KIRREL2: variants seen among roughly 807,000 people sequenced by gnomAD.
KIRREL2 encodes the protein kin of IRRE-like protein 2.
In KIRREL2, 56 loss-of-function variants were observed where a neutral mutation model predicts 73.4. That is an observed-to-expected ratio of 0.76 (90% CI 0.62 to 0.95). The LOEUF (loss-of-function observed/expected upper bound fraction) is 0.95. KIRREL2 is among the 40% of genes least tolerant of loss of function. KIRREL2 has a pLI of 0.00. For synonymous variants in KIRREL2, 407 were observed against 404.0 expected, an observed-to-expected ratio of 1.01 and a Z score of -0.09; for missense variants, 896 against 935.0, an observed-to-expected ratio of 0.96 and a Z score of 0.54.
At chr19:35,859,708 C>T in intron 5 of KIRREL2, 77 bp downstream of exon 5, 1 of 1,531,560 alleles carries the variant, frequency 6.5e-7, no homozygotes, top group South Asian at 1.2e-5. Context: ...GACTGTGGCC[C>T]TTGGGGAATG....
At chr19:35,858,351 G>A (rs1314307920) in intron 2 of KIRREL2, 57 bp from the exon 3 acceptor site, 4 of 1,583,546 alleles carry the variant, frequency 2.5e-6, no homozygotes, top group Non-Finnish European at 3.4e-6. Flanking sequence ...GGGGATGGAG[G>A]CCTGAGGCCA....
In KIRREL2 at chr19:35,857,018, G is replaced by A. The variant is rs1973447104; in HGVS notation, c.-102G>A. 8.3e-7 allele frequency: 1 copy of A among 1,208,684 alleles called. No individual in the cohort carries two copies. Among genetic ancestry groups the A allele is most frequent in the Non-Finnish European group, 1.2e-6 (1 of 814,498 alleles). The allele number at this position is 1,208,684 out of a possible 1,614,324, so 74.9% of individuals were successfully genotyped here. ...GACTAGGCTGGGCGAAGAGTCGAGCGTGAAGGGGGCTCCGGGCCAGGGTGA... is the reference window on the plus strand; with the variant it reads ...GACTAGGCTGGGCGAAGAGTCGAGCATGAAGGGGGCTCCGGGCCAGGGTGA... On this transcript the variant is annotated 5_prime_UTR_variant, in exon 1 of 15. The change creates a new upstream start codon in the 5' untranslated region. Transcript: ENST00000360202.
At position 35,860,628 on chromosome 19, in the gene KIRREL2, G is replaced by T. The variant is rs377163927; in HGVS notation, c.889G>T (p.Val297Leu). 105 of 1,603,554 alleles carry T rather than the reference G, an allele frequency of 6.5e-5. No homozygotes were observed. The highest frequency in any genetic ancestry group is 5.0e-5 in the Admixed American group (3 of 60,002). ...EPVSCEVSNAVGSANRSTALD... is the reference protein window; with the variant it reads ...EPVSCEVSNALGSANRSTALD... ...CGTGTCCTGCGAGGTCAGCAACGCC[G>T]TGGGTAGCGCCAACCGCAGTACTGC... is the stretch of plus-strand genomic sequence containing the variant. The change falls in exon 7 of 15, where the codon GTG becomes TTG. Residue 297 changes from valine (V) to leucine (L), a missense_variant. Val to Leu is a conservative substitution (Grantham distance 32). Transcript: ENST00000360202.
chr19:35,857,747 G>T (rs1359304335), intron 2 of KIRREL2, among the ~76,000 whole-genome samples: 1 of 152,140 alleles, frequency 6.6e-6, no homozygotes, highest in Non-Finnish European at 1.5e-5. Flanking sequence ...GCTTTGGGAG[G>T]TTGAGGCCAG....
rs1003586620 is a variant in KIRREL2, at chr19:35,859,521, C to A, written c.563C>A (p.Thr188Asn). 1.2e-6 allele frequency: 2 copies of A among 1,614,058 alleles called. No homozygotes were observed. Among genetic ancestry groups the A allele is most frequent in the African/African-American group, 1.3e-5 (1 of 74,924 alleles). Residue 188 changes from threonine to asparagine, a missense_variant, in exon 5 of 15, where the codon ACC (threonine) becomes AAC (asparagine). Physicochemically the swap from Thr to Asn is moderately conservative, Grantham distance 65. Coordinates refer to ENST00000360202, the MANE Select transcript of KIRREL2 (RefSeq NM_199180.4). The stretch of plus-strand genomic sequence containing the variant: ...GGGACCCCTGGGTCAGTGGAGAGCA[C>A]CTTAACCCTGACCCCTTTCAGCCAT... ...KEGTPGSVESTLTLTPFSHDD... is the reference protein window; with the variant it reads ...KEGTPGSVESNLTLTPFSHDD...
At chr19:35,854,066 A>G (rs1417946698), upstream of KIRREL2, among the ~76,000 whole-genome samples, 1 of 152,086 alleles carries the variant, frequency 6.6e-6, no homozygotes, top group African/African-American at 2.4e-5. Flanking sequence ...GCAGGTCTCG[A>G]ACTCCTGACC....
rs435259 is a variant in KIRREL2, at chr19:35,857,556, G to C, written c.211+62G>C. Reference sequence around the variant, plus strand: ...AGGGGGAGAGTTGCTGGGCTCGGCTGTACCTGCAGTTTCTATTTTGACATT... The same window carrying C: ...AGGGGGAGAGTTGCTGGGCTCGGCTCTACCTGCAGTTTCTATTTTGACATT... On this transcript the variant is annotated intron_variant, in intron 2 of 14. Transcript: ENST00000360202. 0.014 allele frequency: 20,489 copies of C among 1,434,388 alleles called. 1,556 individuals are homozygous for C. The African/African-American group carries it at 0.2, about 14-fold the overall frequency. 88.9% of individuals were successfully genotyped at this position (1,434,388 alleles called of 1,614,324 possible).
chr19:35,863,125 T>C (rs1599868925), intron 13 of KIRREL2, 89 bp downstream of exon 13: 1 of 739,572 alleles, frequency 1.4e-6, no homozygotes, highest in East Asian at 2.7e-5. Context: ...CAAATAGGAC[T>C]CTAAGGCCAG....
chr19:35,861,282 C>T (rs748324934), intron 9 of KIRREL2, 28 bp downstream of exon 9: 10 of 1,514,560 alleles, frequency 6.6e-6, no homozygotes, highest in Non-Finnish European at 8.8e-6. Context: ...CCTAGGGGAC[C>T]TGGCCCGTCC....
chr19:35,860,796 C>T (rs1366117478), intron 7 of KIRREL2, 113 bp from the exon 8 acceptor site: 2 of 1,584,890 alleles, frequency 1.3e-6, no homozygotes, highest in Admixed American at 1.7e-5. Flanking sequence ...GAGTGTGGAG[C>T]TGGGGCATAT....
rs767232959 is a variant in KIRREL2, at chr19:35,866,254, C to T, written c.1889C>T (p.Pro630Leu). 6.2e-7 allele frequency: 1 copy of T among 1,609,276 alleles called. No individual in the cohort carries two copies. The highest frequency in any genetic ancestry group is 1.1e-5 in the South Asian group (1 of 91,006). Residue 630 changes from proline to leucine, a missense_variant, in exon 15 of 15, where the codon CCC becomes CTC. Physicochemically the swap from Pro to Leu is moderately conservative, Grantham distance 98. Coordinates refer to ENST00000360202, the MANE Select transcript of KIRREL2 (RefSeq NM_199180.4). The stretch of plus-strand genomic sequence containing the variant: ...GGTCTCTTCCTGCCACCACCCTCCC[C>T]CCTTGGGCCCCCAGGGACCCCTACC... Reference protein sequence around the residue: ...GGGLFLPPPSPLGPPGTPTFY... With the variant: ...GGGLFLPPPSLLGPPGTPTFY...
chr19:35,866,059 C>T, intron 14 of KIRREL2, 98 bp from the exon 15 acceptor site: 1 of 1,173,046 alleles, frequency 8.5e-7, no homozygotes. Flanking sequence ...CTTTTTGTCT[C>T]TCTCAAGGTC....
At chr19:35,852,747 C>T (rs745939958), upstream of KIRREL2, among the ~76,000 whole-genome samples, 1 of 152,142 alleles carries the variant, frequency 6.6e-6, no homozygotes, top group Non-Finnish European at 1.5e-5. Flanking sequence ...CCCAGCTCTT[C>T]CTTGCCCTGA....
At chr19:35,861,765 C>G (rs1278338726) in intron 10 of KIRREL2, 40 bp from the exon 11 acceptor site, 1 of 1,587,924 alleles carries the variant, frequency 6.3e-7, no homozygotes, top group East Asian at 2.3e-5. Context: ...TTCCTCCCCT[C>G]CTCAGTCTCC....
chr19:35,861,271 TCCTAGGGGACCTGGC>T lies in KIRREL2; in HGVS notation c.1189+20_1189+34del. 1 of 1,521,402 alleles carries T rather than the reference TCCTAGGGGACCTGGC, an allele frequency of 6.6e-7. No individual in the cohort carries two copies. Among genetic ancestry groups the T allele is most frequent in the Non-Finnish European group, 8.7e-7 (1 of 1,145,968 alleles). 94.2% of individuals were successfully genotyped at this position (1,521,402 alleles called of 1,614,324 possible). On this transcript the variant is annotated intron_variant, in intron 9 of 14. Transcript: ENST00000360202. ...CTGTGAACGGTGAGAAGGCGGGGCTTCCTAGGGGACCTGGCCCGTCCTGGGATAGGGAGCGGACAG... is the reference window on the plus strand; with the variant it reads ...CTGTGAACGGTGAGAAGGCGGGGCTTCCGTCCTGGGATAGGGAGCGGACAG...
rs374835389 is a variant in KIRREL2 at position 35,860,547 on chromosome 19, G to A, written c.808G>A (p.Gly270Arg). 2.6e-5 allele frequency: 41 copies of A among 1,603,118 alleles called. No individual in the cohort carries two copies. In the African/African-American group the frequency reaches 5.1e-4, roughly 20 times the overall value. The change falls in exon 7 of 15, where the codon GGG becomes AGG. Residue 270 changes from glycine to arginine, a missense_variant. Transcript: ENST00000360202. ...RWAKGGSPVL[G>R]ARGPRLEVVA... ...GGCAAAAGGGGGCTCTCCGGTGCTC[G>A]GGGCCCGCGGGCCAAGGTTAGAGGT... is the stretch of plus-strand genomic sequence containing the variant.
rs1171969719 is a variant in KIRREL2 at position 35,864,685 on chromosome 19, TGGA to T, written c.1770_1772del (p.Glu591del). On this transcript the variant is annotated inframe_deletion, in exon 14 of 15. Transcript: ENST00000360202. ...CACACTGACCACAGTGATCTGGTTC[TGGA>T]GGAGGAAGGGACTCTGGAGACCAAG... The T allele has an allele frequency of 3.1e-6, 5 of 1,613,186 alleles. No individual in the cohort carries two copies. Among genetic ancestry groups the T allele is most frequent in the Non-Finnish European group, 3.4e-6 (4 of 1,179,218 alleles).
At chr19:35,852,968 T>C (rs1973311998), upstream of KIRREL2, among the ~76,000 whole-genome samples, 2 of 152,060 alleles carry the variant, frequency 1.3e-5, no homozygotes, top group Non-Finnish European at 2.9e-5. Context: ...CTAATTTTTG[T>C]ATTTTTACTA....
Position 35,866,658 on chromosome 19 carries a change from C to A in KIRREL2, c.*166C>A. On this transcript the variant is annotated 3_prime_UTR_variant, in exon 15 of 15. Coordinates refer to ENST00000360202, the MANE Select transcript of KIRREL2 (RefSeq NM_199180.4). ...GAGCATTTGTATACAGTCAGCTCAG[C>A]CAAAGGAGATGCCCCAAGTGGGAGC... The A allele has an allele frequency of 9.8e-7, 1 of 1,018,886 alleles. No homozygotes were observed. Among genetic ancestry groups the A allele is most frequent in the Non-Finnish European group, 1.5e-6 (1 of 688,732 alleles). 63.1% of individuals were successfully genotyped at this position (1,018,886 alleles called of 1,614,324 possible).
Sources: allele counts gnomAD v4.1 joint callset (sites outside exome capture counted in the v4.1 genomes callset), GRCh38; gene constraint gnomAD v4.1.1; transcripts MANE v1.5; gene names NCBI Gene and HGNC (gene_info 2026-07-23, HGNC 2026-07-21).